Variants in MIPOL1 observed in about 807,000 individuals in gnomAD.
MIPOL1 encodes mirror-image polydactyly gene 1 protein.
A neutral mutation model predicts 60.9 loss-of-function variants in MIPOL1; 57 were observed. The ratio of observed to expected loss-of-function variants is 0.94; its 90% confidence interval spans 0.76 to 1.17. MIPOL1 has a LOEUF of 1.17. Among genes scored for constraint, MIPOL1 ranks in the 50% most tolerant of loss-of-function variants. The probability of loss-of-function intolerance (pLI) is 0.00; values close to 1 mark genes in which losing one functional copy is unlikely to be tolerated. For synonymous variants in MIPOL1, 179 were observed against 168.8 expected (o/e 1.06, Z -0.47); for missense variants, 551 against 511.6 (o/e 1.08, Z -0.74).
At chr14:37,432,351 T>G (rs2094086830) in intron 11 of MIPOL1, among the ~76,000 whole-genome samples, 1 of 152,198 alleles carries the variant, frequency 6.6e-6, no homozygotes, top group South Asian at 2.1e-4. Context: ...TAGCAAGACT[T>G]TAGTAAATAT....
intron 7 of MIPOL1, among the ~76,000 whole-genome samples, chr14:37,288,545 T>C (rs2084784372): frequency 6.6e-6 from 1 of 152,126 alleles, no homozygotes; most frequent in Non-Finnish European, 1.5e-5. Context: ...AGCTCACACC[T>C]GTAATCTCAA....
At chr14:37,208,519 G>T (rs1966463062) in intron 1 of MIPOL1, among the ~76,000 whole-genome samples, 1 of 152,140 alleles carries the variant, frequency 6.6e-6, no homozygotes, top group South Asian at 2.1e-4. Flanking sequence ...TACATGAAAA[G>T]TATATAAAAC....
At chr14:37,522,957 A>G (rs1049287591) in intron 12 of MIPOL1, among the ~76,000 whole-genome samples, 18 of 152,162 alleles carry the variant, frequency 1.2e-4, no homozygotes. Context: ...TATCCTTAGT[A>G]ATTGAATTTA....
chr14:37,342,767 G>A (rs1349223002), intron 9 of MIPOL1, among the ~76,000 whole-genome samples: 6 of 152,026 alleles, frequency 3.9e-5, no homozygotes, highest in South Asian at 2.1e-4. Flanking sequence ...ATAGTATTAC[G>A]AAGAATGATA....
intron 7 of MIPOL1, among the ~76,000 whole-genome samples, chr14:37,286,719 A>AT (rs775032644): frequency 2.1e-3 from 315 of 151,976 alleles, no homozygotes; most frequent in Middle Eastern, 0.014. Flanking sequence ...TAATGGCTTC[A>AT]TTTTTTTTGA....
chr14:37,547,418 A>C lies in MIPOL1; in HGVS notation c.*447A>C, dbSNP rs1051540583. The C allele has an allele frequency of 1.9e-5, 3 of 157,422 alleles. No homozygotes were observed. The highest frequency in any genetic ancestry group is 1.3e-4 in the Admixed American group (2 of 15,844). The allele number at this position is 157,422 out of a possible 1,614,324, so 9.8% of individuals were successfully genotyped here. ...TTCAAATACATGCATTTTTCAATATAGGGTATATTTCTTAACTGATGAGAG... is the reference window on the plus strand; with the variant it reads ...TTCAAATACATGCATTTTTCAATATCGGGTATATTTCTTAACTGATGAGAG... On this transcript the variant is annotated 3_prime_UTR_variant, in exon 13 of 13. Coordinates refer to ENST00000684589, the MANE Select transcript of MIPOL1 (RefSeq NM_001388067.1).
intron 1 of MIPOL1, among the ~76,000 whole-genome samples, chr14:37,200,848 C>G (rs868625300): frequency 2.1e-5 from 2 of 94,856 alleles, no homozygotes; most frequent in Non-Finnish European, 4.2e-5. Flanking sequence ...CTATATCTAT[C>G]TATGTGTGTG....
intron 11 of MIPOL1, among the ~76,000 whole-genome samples, chr14:37,454,882 T>C (rs181003661): frequency 1.8e-4 from 27 of 152,328 alleles, no homozygotes; most frequent in Admixed American, 1.4e-3. Context: ...AAGGGCAATA[T>C]CGATTATAAA....
At chr14:37,328,113 A>G (rs912764430) in intron 9 of MIPOL1, among the ~76,000 whole-genome samples, 5 of 152,028 alleles carry the variant, frequency 3.3e-5, no homozygotes, top group South Asian at 2.1e-4. Context: ...CCCAAGTTCA[A>G]TCAATTCTTC....
chr14:37,471,351 T>C lies in MIPOL1; in HGVS notation c.1032-28557T>C, dbSNP rs549490503. On this transcript the variant is annotated intron_variant, in intron 11 of 12. Transcript: ENST00000684589. ...AAAATCTTCTAAGTAGTATGTCTGG[T>C]CCAATTAACTAAAAAAGTAAGTTCC... Among the ~76,000 whole-genome samples the C allele has an allele frequency of 4.6e-5, 7 of 152,262 alleles. No individual in the cohort carries two copies. In the East Asian group the frequency reaches 1.4e-3, roughly 29 times the overall value.
At chr14:37,299,870 C>A (rs1049817930) in intron 7 of MIPOL1, among the ~76,000 whole-genome samples, 1 of 152,010 alleles carries the variant, frequency 6.6e-6, no homozygotes, top group African/African-American at 2.4e-5. Context: ...GTCTCCCTAG[C>A]CTGTCCTGGG....
chr14:37,208,021 C>G (rs1262656855), intron 1 of MIPOL1, among the ~76,000 whole-genome samples: 10 of 152,058 alleles, frequency 6.6e-5, no homozygotes, highest in Non-Finnish European at 1.2e-4. Context: ...TAGTAGATGA[C>G]CAATAAGACA....
At chr14:37,372,621 G>C (rs1461244639) in intron 10 of MIPOL1, among the ~76,000 whole-genome samples, 4 of 152,022 alleles carry the variant, frequency 2.6e-5, no homozygotes, top group Admixed American at 6.6e-5. Flanking sequence ...AAGGCGTGGT[G>C]GTGGGTGCCT....
chr14:37,487,333 A>G (rs1310849824), intron 11 of MIPOL1, among the ~76,000 whole-genome samples: 1 of 152,198 alleles, frequency 6.6e-6, no homozygotes, highest in Non-Finnish European at 1.5e-5. Context: ...TTTTGGTATC[A>G]GGATAATGCT....
At chr14:37,351,860 G>T (rs2091418460) in intron 9 of MIPOL1, among the ~76,000 whole-genome samples, 1 of 150,610 alleles carries the variant, frequency 6.6e-6, no homozygotes, top group Admixed American at 6.6e-5. Context: ...TTTGTAGGTT[G>T]CCTGTTCACT....
chr14:37,364,339 G>A (rs567601995), intron 9 of MIPOL1, among the ~76,000 whole-genome samples: 1 of 152,268 alleles, frequency 6.6e-6, no homozygotes, highest in South Asian at 2.1e-4. Flanking sequence ...TATATTTTCT[G>A]TAGTAGTTTC....
chr14:37,246,792 T>C (rs1293807399), intron 1 of MIPOL1, among the ~76,000 whole-genome samples: 1 of 152,092 alleles, frequency 6.6e-6, no homozygotes, highest in Non-Finnish European at 1.5e-5. Context: ...AAAATGATTG[T>C]GCAATGGGAT....
chr14:37,370,675 C>A (rs933510270), intron 10 of MIPOL1, among the ~76,000 whole-genome samples: 5 of 152,146 alleles, frequency 3.3e-5, no homozygotes, highest in African/African-American at 9.6e-5. Flanking sequence ...TATTTAACTT[C>A]ATTTTGATAT....
At chr14:37,351,574 T>A (rs1372082561) in intron 9 of MIPOL1, among the ~76,000 whole-genome samples, 2 of 147,034 alleles carry the variant, frequency 1.4e-5, no homozygotes, top group African/African-American at 5.0e-5. Flanking sequence ...GCACCTGTTG[T>A]TTCCTGACTT....
Sources: allele counts gnomAD v4.1 joint callset (sites outside exome capture counted in the v4.1 genomes callset), GRCh38; gene constraint gnomAD v4.1.1; transcripts MANE v1.5; gene names NCBI Gene and HGNC (gene_info 2026-07-23, HGNC 2026-07-21).